The following SLC7A7 variants were observed in gnomAD, a reference collection of about 807,000 sequenced individuals.
SLC7A7 encodes solute carrier family 7 member 7, also known as Y+L amino acid transporter 1.
SLC7A7 carries 39 observed loss-of-function variants against 47.9 expected under a neutral mutation model. That is an observed-to-expected ratio of 0.81 (90% CI 0.63 to 1.06). The LOEUF (loss-of-function observed/expected upper bound fraction) is 1.06, where lower values mean the gene tolerates loss of function less well. SLC7A7 is among the 50% of genes least tolerant of loss of function. The pLI is 0.00. For missense variants in SLC7A7, 588 were observed against 632.0 expected, an observed-to-expected ratio of 0.93 and a Z score of 0.75; for synonymous variants, 234 against 242.8, an observed-to-expected ratio of 0.96 and a Z score of 0.34.
At chr14:22,810,633 C>A (rs1036313527) in intron 2 of SLC7A7, among the ~76,000 whole-genome samples, 6 of 152,104 alleles carry the variant, frequency 3.9e-5, no homozygotes, top group Non-Finnish European at 7.3e-5. Flanking sequence ...CAGTAAGCAA[C>A]CTACCAGATC....
At chr14:22,786,891 G>A (rs941986421) in intron 2 of SLC7A7, among the ~76,000 whole-genome samples, 7 of 151,818 alleles carry the variant, frequency 4.6e-5, no homozygotes, top group African/African-American at 1.2e-4. Context: ...AGCTGTGATC[G>A]CACCACTGCA....
chr14:22,802,952 T>G (rs1462546259), intron 2 of SLC7A7, among the ~76,000 whole-genome samples: 2 of 151,908 alleles, frequency 1.3e-5, no homozygotes, highest in Non-Finnish European at 2.9e-5. Flanking sequence ...TCCCTGTGCC[T>G]AAAACGTCCT....
chr14:22,801,508 G>C (rs1482594148), intron 2 of SLC7A7, among the ~76,000 whole-genome samples: 1 of 152,128 alleles, frequency 6.6e-6, no homozygotes, highest in African/African-American at 2.4e-5. Flanking sequence ...CAGAGGCCAG[G>C]CACGGTGGCT....
In SLC7A7 at chr14:22,778,800, G is replaced by A. The variant is rs759666407; in HGVS notation, c.763C>T (p.Pro255Ser). The A allele has an allele frequency of 8.7e-6, 14 of 1,614,042 alleles. No homozygotes were observed. The East Asian group carries it at 3.1e-4, about 36-fold the overall frequency. The change falls in exon 4 of 10, where the codon CCT (proline) becomes TCT (serine). Residue 255 changes from proline to serine, a missense_variant. Coordinates refer to ENST00000674313, the MANE Select transcript of SLC7A7 (RefSeq NM_003982.4). Reference protein sequence around the residue: ...LNYVTEEIKNPERNLPLSIGI... With the variant: ...LNYVTEEIKNSERNLPLSIGI... ...TGGTGGTGCAGTACCTACCTCTCAG[G>A]ATTCTTGATCTCTTCAGTGACATAG...
At chr14:22,805,345 A>T (rs2039183216) in intron 2 of SLC7A7, among the ~76,000 whole-genome samples, 1 of 152,238 alleles carries the variant, frequency 6.6e-6, no homozygotes, top group South Asian at 2.1e-4. Flanking sequence ...AGCCTAGGTG[A>T]CAGAGCAAGA....
upstream of SLC7A7, among the ~76,000 whole-genome samples, chr14:22,817,602 A>G (rs892163660): frequency 6.6e-6 from 1 of 152,152 alleles, no homozygotes; most frequent in African/African-American, 2.4e-5. Flanking sequence ...CGGCCTCCCA[A>G]AGTGCTAGGA....
Position 22,813,149 on chromosome 14 carries a change from C to A in SLC7A7, c.250G>T (p.Val84Phe). The change falls in exon 2 of 10, where the codon GTC (valine) becomes TTC (phenylalanine). Residue 84 changes from valine (V) to phenylalanine (F), a missense_variant. Val to Phe is a conservative substitution (Grantham distance 50, BLOSUM62 -1). Transcript: ENST00000674313. The stretch of plus-strand genomic sequence containing the variant: ...TCCGCATAACAAAGGGCCCCAAAGA[C>A]GGAGAAGAGGCCCCCGACAGCCCAG... ...VIWAVGGLFS[V>F]FGALCYAELG... The A allele has an allele frequency of 6.2e-7, 1 of 1,614,126 alleles. No individual in the cohort carries two copies.
In SLC7A7 at chr14:22,778,800, G is replaced by C. The variant is rs759666407; in HGVS notation, c.763C>G (p.Pro255Ala). The C allele has an allele frequency of 3.1e-6, 5 of 1,613,924 alleles. No homozygotes were observed. The Admixed American group carries it at 6.7e-5, about 22-fold the overall frequency. Residue 255 changes from proline to alanine, a missense_variant, in exon 4 of 10, where the codon CCT becomes GCT. By Grantham distance (27) the Pro-to-Ala change is conservative. Coordinates refer to ENST00000674313, the MANE Select transcript of SLC7A7 (RefSeq NM_003982.4). ...TGGTGGTGCAGTACCTACCTCTCAG[G>C]ATTCTTGATCTCTTCAGTGACATAG... is the stretch of plus-strand genomic sequence containing the variant. ...LNYVTEEIKN[P>A]ERNLPLSIGI...
At chr14:22,775,311 G>T (rs1356043819) in intron 7 of SLC7A7, 133 bp downstream of exon 7, 2 of 820,294 alleles carry the variant, frequency 2.4e-6, no homozygotes, top group Middle Eastern at 2.2e-4. Flanking sequence ...TGCCCGTGGT[G>T]AACATTCTGA....
At chr14:22,801,355 A>T (rs2039110044) in intron 2 of SLC7A7, among the ~76,000 whole-genome samples, 1 of 151,992 alleles carries the variant, frequency 6.6e-6, no homozygotes, top group Admixed American at 6.6e-5. Context: ...TCTACTCTTG[A>T]TTAATTCTTC....
At chr14:22,817,496 C>T (rs543459442), upstream of SLC7A7, among the ~76,000 whole-genome samples, 14 of 152,160 alleles carry the variant, frequency 9.2e-5, no homozygotes, top group Admixed American at 2.0e-4. Flanking sequence ...CACACCACCA[C>T]GCCCAGCTAA....
chr14:22,811,362 G>A (rs1457746678), intron 2 of SLC7A7, among the ~76,000 whole-genome samples: 2 of 152,296 alleles, frequency 1.3e-5, no homozygotes, highest in Middle Eastern at 3.4e-3. Context: ...CAGGGTGGAA[G>A]GCATCTCTAA....
chr14:22,795,400 TTCTTTCTTTCTTTC>T (rs1364917652), intron 2 of SLC7A7, among the ~76,000 whole-genome samples: 10,124 of 99,662 alleles, frequency 0.1, 750 homozygotes, highest in African/African-American at 0.14. Flanking sequence ...CTTTCTTTCT[TTCTTTCTTTCTTTC>T]TTTCTTTCTT....
intron 2 of SLC7A7, among the ~76,000 whole-genome samples, chr14:22,793,144 C>T (rs2038956286): frequency 6.6e-6 from 1 of 151,958 alleles, no homozygotes; most frequent in Non-Finnish European, 1.5e-5. Context: ...GTCTCGATCT[C>T]CTGACCTCGT....
At chr14:22,787,220 G>A (rs916827502) in intron 2 of SLC7A7, among the ~76,000 whole-genome samples, 6 of 152,052 alleles carry the variant, frequency 3.9e-5, no homozygotes, top group African/African-American at 1.4e-4. Flanking sequence ...AGGATCACCT[G>A]AGGTCAGGAG....
intron 4 of SLC7A7, 50 bp from the exon 5 acceptor site, chr14:22,776,368 A>C (rs758221076): frequency 6.2e-6 from 10 of 1,613,074 alleles, no homozygotes; most frequent in Admixed American, 1.7e-5. Context: ...TCATATCCCT[A>C]TCTCTCCTTT....
chr14:22,774,827 G>A (rs1004741883), intron 7 of SLC7A7, among the ~76,000 whole-genome samples: 51 of 152,156 alleles, frequency 3.4e-4, no homozygotes, highest in Non-Finnish European at 2.8e-4. Flanking sequence ...CCTACATGTT[G>A]AGTATCCCTG....
At chr14:22,788,527 A>T (rs551931362) in intron 2 of SLC7A7, among the ~76,000 whole-genome samples, 122 of 151,672 alleles carry the variant, frequency 8.0e-4, no homozygotes, top group Middle Eastern at 3.4e-3. Flanking sequence ...ACATGGTGAA[A>T]CCCCCGTCTC....
At chr14:22,808,627 C>T (rs1036287228) in intron 2 of SLC7A7, among the ~76,000 whole-genome samples, 16 of 152,118 alleles carry the variant, frequency 1.1e-4, no homozygotes, top group South Asian at 2.1e-4. Context: ...GGCAACATAG[C>T]GAGACCCCAT....
Sources: gnomAD v4.1 joint callset for allele counts (sites outside exome capture counted in the v4.1 genomes callset) on GRCh38, gnomAD v4.1.1 for gene constraint, MANE v1.5 for transcripts, NCBI Gene and HGNC (gene_info 2026-07-23, HGNC 2026-07-21) for gene names.